The following SV2B variants were observed in gnomAD, a reference collection of about 807,000 sequenced individuals.
The protein encoded by SV2B is synaptic vesicle glycoprotein 2B.
In SV2B, 41 loss-of-function variants were observed where a neutral mutation model predicts 73.9. That is an observed-to-expected ratio of 0.56 (90% CI 0.43 to 0.72). The LOEUF (loss-of-function observed/expected upper bound fraction) is 0.72, where lower values mean the gene tolerates loss of function less well. SV2B is among the 30% of genes least tolerant of loss of function. The pLI is 0.00. For synonymous variants in SV2B, 314 were observed against 314.2 expected (o/e 1.00, Z 0.01); for missense variants, 764 against 857.8 (o/e 0.89, Z 1.37).
intron 1 of SV2B, among the ~76,000 whole-genome samples, chr15:91,160,005 A>G (rs1176264158): frequency 6.6e-6 from 1 of 152,222 alleles, no homozygotes; most frequent in Non-Finnish European, 1.5e-5. Context: ...GGGATAAATT[A>G]TAAGAAATGT....
intron 1 of SV2B, among the ~76,000 whole-genome samples, chr15:91,222,893 T>C (rs1461668572): frequency 6.6e-6 from 1 of 152,266 alleles, no homozygotes. Context: ...TGTTTTATCA[T>C]AGCTGTTTGA....
At chr15:91,174,768 G>A (rs1016358743) in intron 1 of SV2B, among the ~76,000 whole-genome samples, 1 of 152,182 alleles carries the variant, frequency 6.6e-6, no homozygotes, top group Non-Finnish European at 1.5e-5. Flanking sequence ...TTAAAAGACG[G>A]TTCAGGCCAC....
At position 91,241,392 on chromosome 15, in the gene SV2B, C is replaced by A. The variant is rs1175365038; in HGVS notation, c.452-10427C>A. Among the ~76,000 whole-genome samples the A allele has an allele frequency of 6.6e-6, 1 of 152,160 alleles. No homozygotes were observed. The highest frequency in any genetic ancestry group is 1.9e-4 in the East Asian group (1 of 5,192). ...TGGGTGGTCAGGAACACAGAACATA[C>A]AATGTTGCCCACTGGCCTCACTAAA... On this transcript the variant is annotated intron_variant, in intron 2 of 12. Coordinates refer to ENST00000394232, the MANE Select transcript of SV2B (RefSeq NM_001323032.3). The surrounding 1 kb of genome is among the most constrained non-coding windows in gnomAD (Gnocchi z 4.8).
chr15:91,179,960 A>C (rs2044481414), intron 1 of SV2B, among the ~76,000 whole-genome samples: 1 of 149,544 alleles, frequency 6.7e-6, no homozygotes, highest in African/African-American at 2.5e-5. Flanking sequence ...TATTTTGCTC[A>C]TTAGTTGATG....
In SV2B at chr15:91,258,426, G is replaced by T; in HGVS notation, c.790G>T (p.Gly264Cys). Residue 264 changes from glycine (G) to cysteine (C), a missense_variant, in exon 5 of 13, where the codon GGC (glycine) becomes TGC (cysteine). By Grantham distance (159) the Gly-to-Cys change is radical. Transcript: ENST00000394232. This position sits in a 1 kb window ranked among gnomAD's most constrained non-coding sequence, Gnocchi z 4.7. ...GACTGACTGCTCCTTTGCAGGCTGGGGCTTCAGCATGGGGACCAATTACCA... is the reference window on the plus strand; with the variant it reads ...GACTGACTGCTCCTTTGCAGGCTGGTGCTTCAGCATGGGGACCAATTACCA... ...AWSIIPHYGWGFSMGTNYHFH... is the reference protein window; with the variant it reads ...AWSIIPHYGWCFSMGTNYHFH... The T allele has an allele frequency of 3.1e-6, 5 of 1,613,952 alleles. No individual in the cohort carries two copies. Among genetic ancestry groups the T allele is most frequent in the Non-Finnish European group, 4.2e-6 (5 of 1,179,942 alleles).
At chr15:91,238,985 T>C (rs1279265863) in intron 2 of SV2B, among the ~76,000 whole-genome samples, 1 of 151,456 alleles carries the variant, frequency 6.6e-6, no homozygotes. Flanking sequence ...TTGTAAATCT[T>C]AACCAGCACT....
At chr15:91,254,345 T>G (rs2047605143) in intron 4 of SV2B, among the ~76,000 whole-genome samples, 2 of 151,450 alleles carry the variant, frequency 1.3e-5, no homozygotes, top group South Asian at 4.2e-4. Flanking sequence ...CAAGCAGTAC[T>G]CGTGTCTCAG....
At chr15:91,263,924 G>A (rs1005501047) in intron 6 of SV2B, among the ~76,000 whole-genome samples, 2 of 152,196 alleles carry the variant, frequency 1.3e-5, no homozygotes, top group Non-Finnish European at 2.9e-5. Flanking sequence ...TGCACAGTAG[G>A]TTACTAGTGT....
Position 91,137,607 on chromosome 15 carries a change from C to CATATATATATTTCATAT in SV2B, c.-392+37248_-392+37264dup, listed in dbSNP as rs1555470670. Among the ~76,000 whole-genome samples, 1 of 91,936 alleles carries CATATATATATTTCATAT rather than the reference C, an allele frequency of 1.1e-5. No individual in the cohort carries two copies. Among genetic ancestry groups the CATATATATATTTCATAT allele is most frequent in the African/African-American group, 3.8e-5 (1 of 26,496 alleles). 60.3% of individuals were successfully genotyped at this position (91,936 alleles called of 152,430 possible). A position where few individuals can be genotyped will look rare whatever the true frequency, so the allele number is the denominator to read the frequency against. On this transcript the variant is annotated intron_variant, in intron 1 of 12. Transcript: ENST00000394232. This position sits in a 1 kb window ranked among gnomAD's most constrained non-coding sequence, Gnocchi z 4.9. The stretch of plus-strand genomic sequence containing the variant: ...ATATTTCTCATATATATATATATTT[C>CATATATATATTTCATAT]ATATATATATTTCATATATACATAT...
At chr15:91,243,429 T>G (rs1295854903) in intron 2 of SV2B, among the ~76,000 whole-genome samples, 2 of 152,216 alleles carry the variant, frequency 1.3e-5, no homozygotes, top group Non-Finnish European at 2.9e-5. Context: ...TCTTAATGCC[T>G]CTTCTTTTTA....
Position 91,136,392 on chromosome 15 carries a change from G to GTATATTA in SV2B, c.-392+36029_-392+36030insTATATTA. Among the ~76,000 whole-genome samples, 1 of 152,188 alleles carries GTATATTA rather than the reference G, an allele frequency of 6.6e-6. No individual in the cohort carries two copies. Among genetic ancestry groups the GTATATTA allele is most frequent in the East Asian group, 1.9e-4 (1 of 5,192 alleles). Reference sequence around the variant, plus strand: ...AGTTTGTGGGTGACTTACTCTCTAGGGGCCTTAGGTATATTCTCGGAGAGA... The same window carrying GTATATTA: ...AGTTTGTGGGTGACTTACTCTCTAGGTATATTAGGCCTTAGGTATATTCTCGGAGAGA... On this transcript the variant is annotated intron_variant, in intron 1 of 12. Coordinates refer to ENST00000394232, the MANE Select transcript of SV2B (RefSeq NM_001323032.3). This position sits in a 1 kb window ranked among gnomAD's most constrained non-coding sequence, Gnocchi z 5.6.
chr15:91,157,109 G>A (rs1453256862), intron 1 of SV2B, among the ~76,000 whole-genome samples: 2 of 152,196 alleles, frequency 1.3e-5, no homozygotes, highest in South Asian at 2.1e-4. Context: ...TAAAGAGGGG[G>A]AAGCTGAGCT....
intron 1 of SV2B, among the ~76,000 whole-genome samples, chr15:91,143,434 G>C (rs1171092710): frequency 1.3e-5 from 2 of 151,972 alleles, no homozygotes; most frequent in Non-Finnish European, 2.9e-5. Flanking sequence ...GCTTGCGGCG[G>C]CAGCATTTAC....
chr15:91,269,790 G>A (rs1393089379), intron 9 of SV2B, among the ~76,000 whole-genome samples: 1 of 152,210 alleles, frequency 6.6e-6, no homozygotes, highest in Non-Finnish European at 1.5e-5. Context: ...CCTTTGGGAA[G>A]GAAGGTTTTG....
chr15:91,141,576 G>C lies in SV2B; in HGVS notation c.-392+41213G>C, dbSNP rs139556726. Among the ~76,000 whole-genome samples, 4 of 152,250 alleles carry C rather than the reference G, an allele frequency of 2.6e-5. No homozygotes were observed. Among genetic ancestry groups the C allele is most frequent in the African/African-American group, 7.2e-5 (3 of 41,532 alleles). On this transcript the variant is annotated intron_variant, in intron 1 of 12. Coordinates refer to ENST00000394232, the MANE Select transcript of SV2B (RefSeq NM_001323032.3). This position sits in a 1 kb window ranked among gnomAD's most constrained non-coding sequence, Gnocchi z 4.6. The stretch of plus-strand genomic sequence containing the variant: ...CTTTGAATGTCTAAAGAGTGGTAAG[G>C]GTAATATCTACTTGAGAGGGCTCTT...
intron 1 of SV2B, among the ~76,000 whole-genome samples, chr15:91,104,782 A>G (rs1204109218): frequency 2.6e-5 from 4 of 152,126 alleles, no homozygotes; most frequent in Non-Finnish European, 5.9e-5. Context: ...ACAGGCGTGC[A>G]CCACCATGCC....
chr15:91,196,185 G>C (rs1391562891), intron 1 of SV2B, among the ~76,000 whole-genome samples: 15 of 152,196 alleles, frequency 9.9e-5, no homozygotes, highest in Admixed American at 9.8e-4. Context: ...AATCACATTT[G>C]ATGTGTTTGC....
At chr15:91,120,589 A>G (rs2042304752) in intron 1 of SV2B, among the ~76,000 whole-genome samples, 1 of 152,040 alleles carries the variant, frequency 6.6e-6, no homozygotes, top group Non-Finnish European at 1.5e-5. Flanking sequence ...TGAGGCAGGC[A>G]GATCCCTTGA....
rs1026038795 is a variant in SV2B at position 91,281,663 on chromosome 15, C to T, written c.1374-65C>T. ...TCCTTTTTCTGCCTTGCTGTGTTTT[C>T]CATTTTGGTCTTAAGTCTCTTTTTT... On this transcript the variant is annotated intron_variant, in intron 9 of 12. Transcript: ENST00000394232. This position sits in a 1 kb window ranked among gnomAD's most constrained non-coding sequence, Gnocchi z 4.7. 3.3e-6 allele frequency: 5 copies of T among 1,501,574 alleles called. No individual in the cohort carries two copies. In the African/African-American group the frequency reaches 5.7e-5, roughly 17 times the overall value. 93.0% of individuals were successfully genotyped at this position (1,501,574 alleles called of 1,614,324 possible).
Sources: allele counts gnomAD v4.1 joint callset (sites outside exome capture counted in the v4.1 genomes callset), GRCh38; gene constraint gnomAD v4.1.1; non-coding constraint Gnocchi (gnomAD v3.1); transcripts MANE v1.5; gene names NCBI Gene and HGNC (gene_info 2026-07-23, HGNC 2026-07-21).